ZFPM2: variants seen among roughly 807,000 people sequenced by gnomAD.
The protein encoded by ZFPM2 is zinc finger protein ZFPM2.
ZFPM2 carries 20 observed loss-of-function variants against 98.6 expected under a neutral mutation model. The ratio of observed to expected loss-of-function variants is 0.20; its 90% CI spans 0.14 to 0.29. The LOEUF (loss-of-function observed/expected upper bound fraction) is 0.29. Among genes scored for constraint, ZFPM2 ranks in the 10% least tolerant of loss-of-function variants. The pLI, the probability that ZFPM2 is intolerant of heterozygous loss-of-function variation, is 1.00. For missense variants in ZFPM2, 1,310 were observed against 1,388.6 expected, an observed-to-expected ratio of 0.94 and a Z score of 0.90; for synonymous variants, 518 against 502.7, an observed-to-expected ratio of 1.03 and a Z score of -0.41.
At chr8:105,453,519 G>A (rs1812527375) in intron 3 of ZFPM2, among the ~76,000 whole-genome samples, 1 of 152,074 alleles carries the variant, frequency 6.6e-6, no homozygotes, top group South Asian at 2.1e-4. Flanking sequence ...AAAGAAGAGG[G>A]AAGAGTACAA....
At position 105,318,858 on chromosome 8, in the gene ZFPM2, GCGGCGGC is replaced by G. The variant is rs1811959746; in HGVS notation, c.-83_-77del. ...CCGAGCCTGGCCAGCGGCGGCGGCG[GCGGCGGC>G]GGCGGCGGGAGCCGAGGGAGCGGCA... On this transcript the variant is annotated 5_prime_UTR_variant, in exon 1 of 8. Transcript: ENST00000407775. 30 of 856,408 alleles carry G rather than the reference GCGGCGGC, an allele frequency of 3.5e-5. 1 individual carries two copies. The highest frequency in any genetic ancestry group is 1.5e-4 in the East Asian group (1 of 6,550). The allele number at this position is 856,408 out of a possible 1,614,324, so 53.1% of individuals were successfully genotyped here. A position where few individuals can be genotyped will look rare whatever the true frequency, so the allele number is the denominator to read the frequency against.
intron 3 of ZFPM2, among the ~76,000 whole-genome samples, chr8:105,448,937 A>G (rs1812433773): frequency 1.3e-5 from 2 of 152,154 alleles, no homozygotes; most frequent in East Asian, 3.9e-4. Flanking sequence ...AATAGTGTTT[A>G]CATCCCTGGC....
At chr8:105,560,549 C>T (rs1193853263) in intron 3 of ZFPM2, among the ~76,000 whole-genome samples, 1 of 150,392 alleles carries the variant, frequency 6.6e-6, no homozygotes. Context: ...TCTACCTATC[C>T]CAAACAACAT....
chr8:105,764,576 A>G (rs1158775640), intron 5 of ZFPM2, among the ~76,000 whole-genome samples: 4 of 151,796 alleles, frequency 2.6e-5, no homozygotes, highest in African/African-American at 4.8e-5. Context: ...AAATGTTGTA[A>G]TAAGTTTGAT....
At chr8:105,578,833 T>C (rs1344350333) in intron 4 of ZFPM2, among the ~76,000 whole-genome samples, 1 of 152,140 alleles carries the variant, frequency 6.6e-6, no homozygotes, top group African/African-American at 2.4e-5. Context: ...TGCAATTGAA[T>C]ATACTAGCAA....
intron 3 of ZFPM2, among the ~76,000 whole-genome samples, chr8:105,472,150 T>C (rs1812917297): frequency 6.6e-6 from 1 of 152,282 alleles, no homozygotes; most frequent in African/African-American, 2.4e-5. Context: ...AAAAAGTAGA[T>C]CTTAGTCAGT....
chr8:105,791,825 G>GT (rs1286842490), intron 6 of ZFPM2, among the ~76,000 whole-genome samples: 1 of 152,126 alleles, frequency 6.6e-6, no homozygotes, highest in Admixed American at 6.5e-5. Context: ...TTGGGAGAGT[G>GT]TATGTGTCGA....
chr8:105,552,617 A>G (rs1249625060), intron 3 of ZFPM2, among the ~76,000 whole-genome samples: 3 of 151,796 alleles, frequency 2.0e-5, no homozygotes, highest in East Asian at 3.9e-4. Context: ...CTCCAGGTGA[A>G]TATTTTCAGA....
At chr8:105,627,532 T>A (rs1246943309) in intron 4 of ZFPM2, among the ~76,000 whole-genome samples, 2 of 152,126 alleles carry the variant, frequency 1.3e-5, no homozygotes, top group Non-Finnish European at 2.9e-5. Flanking sequence ...AAATACAAAC[T>A]TGAACCTGTA....
chr8:105,509,409 A>T (rs1417223677), intron 3 of ZFPM2, among the ~76,000 whole-genome samples: 9 of 151,984 alleles, frequency 5.9e-5, no homozygotes, highest in African/African-American at 1.9e-4. Context: ...GTAGCTGTTG[A>T]CCTTTCACCC....
At chr8:105,346,367 AG>A (rs1812526995) in intron 1 of ZFPM2, among the ~76,000 whole-genome samples, 1 of 151,840 alleles carries the variant, frequency 6.6e-6, no homozygotes, top group Non-Finnish European at 1.5e-5. Flanking sequence ...CTGGGCAATA[AG>A]AGCGAAACTC....
chr8:105,625,644 G>A (rs1361512910), intron 4 of ZFPM2, among the ~76,000 whole-genome samples: 6 of 151,210 alleles, frequency 4.0e-5, no homozygotes, highest in African/African-American at 1.5e-4. Flanking sequence ...GCAGTGGTGC[G>A]ATCTCGGCTC....
intron 5 of ZFPM2, among the ~76,000 whole-genome samples, chr8:105,693,919 T>A (rs1013221818): frequency 1.3e-4 from 20 of 151,952 alleles, no homozygotes; most frequent in Middle Eastern, 6.8e-3. Flanking sequence ...AATATTATTG[T>A]CTAGCTATTT....
At chr8:105,515,251 A>G (rs902092862) in intron 3 of ZFPM2, among the ~76,000 whole-genome samples, 3 of 152,244 alleles carry the variant, frequency 2.0e-5, no homozygotes, top group Admixed American at 6.5e-5. Context: ...GATTTTTCTC[A>G]TGCAAATATT....
chr8:105,789,849 T>G (rs1267189528), intron 6 of ZFPM2, among the ~76,000 whole-genome samples: 3 of 151,070 alleles, frequency 2.0e-5, no homozygotes, highest in Non-Finnish European at 4.5e-5. Context: ...TGGTGAGCAT[T>G]TTTTCATGTG....
At chr8:105,605,571 T>G (rs1277718622) in intron 4 of ZFPM2, among the ~76,000 whole-genome samples, 1 of 152,102 alleles carries the variant, frequency 6.6e-6, no homozygotes, top group Non-Finnish European at 1.5e-5. Flanking sequence ...TTTGTAAATT[T>G]CTTGCAATTA....
intron 4 of ZFPM2, among the ~76,000 whole-genome samples, chr8:105,623,869 G>C (rs1458992644): frequency 6.6e-6 from 1 of 151,980 alleles, no homozygotes; most frequent in East Asian, 1.9e-4. Context: ...TCTCTAAAAG[G>C]GTTAAAATAT....
intron 3 of ZFPM2, among the ~76,000 whole-genome samples, chr8:105,489,394 A>C (rs1362124877): frequency 1.4e-5 from 2 of 146,354 alleles, no homozygotes; most frequent in Admixed American, 6.8e-5. Flanking sequence ...ATAGATATAT[A>C]TTTTATATAT....
chr8:105,549,758 C>T (rs1030536533), intron 3 of ZFPM2, among the ~76,000 whole-genome samples: 1 of 151,660 alleles, frequency 6.6e-6, no homozygotes, highest in East Asian at 1.9e-4. Flanking sequence ...ACCACAGGCA[C>T]AAGCCACGAT....
Sources: allele counts gnomAD v4.1 joint callset (sites outside exome capture counted in the v4.1 genomes callset), GRCh38; gene constraint gnomAD v4.1.1; transcripts MANE v1.5; gene names NCBI Gene and HGNC (gene_info 2026-07-23, HGNC 2026-07-21).